The following ELMO1 variants were observed in gnomAD, a reference collection of about 807,000 sequenced individuals.
ELMO1 encodes engulfment and cell motility protein 1.
A neutral mutation model predicts 98.9 loss-of-function variants in ELMO1; 26 were observed. The observed-to-expected ratio is 0.26, with a 90% CI of 0.19 to 0.36. The LOEUF is 0.36. Among genes scored for constraint, ELMO1 ranks in the 10% least tolerant of loss-of-function variants. The pLI, the probability that ELMO1 is intolerant of heterozygous loss-of-function variation, is 1.00. For missense variants in ELMO1, 627 were observed against 935.2 expected (o/e 0.67, Z 4.30); for synonymous variants, 346 against 346.0 (o/e 1.00, Z 0.00).
At chr7:37,410,341 C>T (rs565965433) in intron 1 of ELMO1, among the ~76,000 whole-genome samples, 3 of 152,274 alleles carry the variant, frequency 2.0e-5, no homozygotes, top group East Asian at 3.9e-4. Flanking sequence ...TTTAGTAAAA[C>T]CTGGTATCCA....
intron 13 of ELMO1, among the ~76,000 whole-genome samples, chr7:37,189,690 G>A (rs759387652): frequency 2.0e-5 from 3 of 152,116 alleles, no homozygotes; most frequent in Admixed American, 6.5e-5. Flanking sequence ...CATTTCCAGG[G>A]AAGAATTCAG....
intron 20 of ELMO1, among the ~76,000 whole-genome samples, chr7:36,863,674 A>G (rs1189902099): frequency 6.6e-6 from 1 of 152,230 alleles, no homozygotes. Context: ...AGTTAAGTGG[A>G]GAAAAGCACG....
Position 36,911,123 on chromosome 7 carries a change from G to A in ELMO1, c.1438-16106C>T, listed in dbSNP as rs115753929. Among the ~76,000 whole-genome samples the A allele has an allele frequency of 2.3e-3, 344 of 152,270 alleles. 2 individuals are homozygous for A. Among genetic ancestry groups the A allele is most frequent in the African/African-American group, 7.9e-3 (328 of 41,556 alleles). On this transcript the variant is annotated intron_variant, in intron 16 of 21. Transcript: ENST00000310758. ...CCACCCACATGGTGCTGTGGAGAAAGGGATCTATTCTGGAAAGGACAATAA... is the reference window on the plus strand; with the variant it reads ...CCACCCACATGGTGCTGTGGAGAAAAGGATCTATTCTGGAAAGGACAATAA...
At chr7:37,302,610 A>C (rs545682996) in intron 4 of ELMO1, among the ~76,000 whole-genome samples, 4 of 152,146 alleles carry the variant, frequency 2.6e-5, no homozygotes, top group African/African-American at 9.6e-5. Flanking sequence ...GAGGCTTCCA[A>C]ATGATTCTAG....
At chr7:37,131,090 G>A (rs1243245489) in intron 14 of ELMO1, among the ~76,000 whole-genome samples, 1 of 151,900 alleles carries the variant, frequency 6.6e-6, no homozygotes, top group Non-Finnish European at 1.5e-5. Flanking sequence ...TATTGTCAAA[G>A]TCACCCTAAA....
intron 16 of ELMO1, among the ~76,000 whole-genome samples, chr7:36,944,475 C>A (rs565273053): frequency 1.3e-5 from 2 of 152,198 alleles, no homozygotes; most frequent in Non-Finnish European, 2.9e-5. Context: ...ACTCCTGGGA[C>A]CTCCCGTATA....
chr7:37,386,232 G>A (rs917549981), intron 1 of ELMO1, among the ~76,000 whole-genome samples: 1 of 152,148 alleles, frequency 6.6e-6, no homozygotes, highest in African/African-American at 2.4e-5. Context: ...GAAGCCTATC[G>A]GATGTTGCAA....
intron 2 of ELMO1, among the ~76,000 whole-genome samples, chr7:37,327,649 G>A (rs552015384): frequency 6.6e-6 from 1 of 152,198 alleles, no homozygotes; most frequent in South Asian, 2.1e-4. Flanking sequence ...TTTGCTACTA[G>A]TTGGTCTGCG....
At chr7:37,042,332 T>A (rs1658899543) in intron 15 of ELMO1, among the ~76,000 whole-genome samples, 2 of 152,202 alleles carry the variant, frequency 1.3e-5, no homozygotes, top group Admixed American at 6.5e-5. Context: ...GGTTTTTTTT[T>A]AAACCCAGTT....
chr7:36,960,980 C>T (rs1478231772), intron 16 of ELMO1, among the ~76,000 whole-genome samples: 1 of 152,084 alleles, frequency 6.6e-6, no homozygotes, highest in African/African-American at 2.4e-5. Context: ...CTATTTTCTT[C>T]TTCCTTCTTT....
intron 16 of ELMO1, among the ~76,000 whole-genome samples, chr7:36,939,951 T>C (rs183281175): frequency 6.6e-6 from 1 of 152,354 alleles, no homozygotes; most frequent in Admixed American, 6.5e-5. Context: ...ACCTTATCCT[T>C]ACATGTGACG....
Position 37,307,265 on chromosome 7 carries a change from C to T in ELMO1, c.192+7585G>A, listed in dbSNP as rs1414937276. ...TGAACTGTAGTTCCCATAATTCCCA[C>T]GTGCCGATGGGAGGTAACTGAATCA... On this transcript the variant is annotated intron_variant, in intron 4 of 21. Coordinates refer to ENST00000310758, the MANE Select transcript of ELMO1 (RefSeq NM_014800.11). 3.3e-5 allele frequency among the ~76,000 whole-genome samples: 5 copies of T among 152,298 alleles called. No homozygotes were observed. The East Asian group carries it at 5.8e-4, about 18-fold the overall frequency.
At chr7:36,887,187 G>C (rs1805086242) in intron 18 of ELMO1, among the ~76,000 whole-genome samples, 1 of 152,176 alleles carries the variant, frequency 6.6e-6, no homozygotes, top group African/African-American at 2.4e-5. Context: ...AGGATAAAAT[G>C]CTTTATAAAG....
At chr7:37,014,413 T>C (rs1279483593) in intron 15 of ELMO1, among the ~76,000 whole-genome samples, 1 of 152,132 alleles carries the variant, frequency 6.6e-6, no homozygotes, top group Non-Finnish European at 1.5e-5. Context: ...TCTATTTTAT[T>C]TGGAATCTCT....
chr7:37,303,889 T>C (rs1798473804), intron 4 of ELMO1, among the ~76,000 whole-genome samples: 1 of 152,202 alleles, frequency 6.6e-6, no homozygotes, highest in African/African-American at 2.4e-5. Context: ...GCTGCCTGTG[T>C]AATCATCTTG....
At chr7:37,257,522 A>G (rs1795736724) in intron 6 of ELMO1, among the ~76,000 whole-genome samples, 1 of 151,850 alleles carries the variant, frequency 6.6e-6, no homozygotes, top group Admixed American at 6.6e-5. Flanking sequence ...CAAGAGATCG[A>G]GACCATCCTG....
chr7:37,437,567 G>C (rs1193824323), intron 1 of ELMO1, among the ~76,000 whole-genome samples: 1 of 152,182 alleles, frequency 6.6e-6, no homozygotes, highest in African/African-American at 2.4e-5. Flanking sequence ...ATTGATACAT[G>C]TATACCTAAG....
At chr7:37,090,717 C>T (rs181982153) in intron 15 of ELMO1, among the ~76,000 whole-genome samples, 34 of 152,330 alleles carry the variant, frequency 2.2e-4, no homozygotes, top group African/African-American at 7.9e-4. Flanking sequence ...GCAAGACTCT[C>T]CTTTCCCCAG....
chr7:37,361,927 A>G (rs1348742032), intron 1 of ELMO1, among the ~76,000 whole-genome samples: 2 of 152,076 alleles, frequency 1.3e-5, no homozygotes, highest in African/African-American at 2.4e-5. Flanking sequence ...GCACCACCAC[A>G]CTCCAGCCTG....
Sources: gnomAD v4.1 joint callset for allele counts (sites outside exome capture counted in the v4.1 genomes callset) on GRCh38, gnomAD v4.1.1 for gene constraint, MANE v1.5 for transcripts, NCBI Gene and HGNC (gene_info 2026-07-23, HGNC 2026-07-21) for gene names.